CACNA2D1: variants seen among roughly 807,000 people sequenced by gnomAD.
CACNA2D1 encodes calcium voltage-gated channel auxiliary subunit alpha2delta 1.
In CACNA2D1, 53 loss-of-function variants were observed where a neutral mutation model predicts 171.5. The observed-to-expected ratio is 0.31, with a 90% CI of 0.25 to 0.39. The LOEUF is 0.39. Among genes scored for constraint, CACNA2D1 ranks in the 10% least tolerant of loss-of-function variants. The pLI is 1.00. For synonymous variants in CACNA2D1, 442 were observed against 443.1 expected, an observed-to-expected ratio of 1.00 and a Z score of 0.03; for missense variants, 903 against 1,299.8, an observed-to-expected ratio of 0.69 and a Z score of 4.69.
At chr7:82,212,313 G>GA in intron 3 of CACNA2D1, among the ~76,000 whole-genome samples, 1 of 152,250 alleles carries the variant, frequency 6.6e-6, no homozygotes, top group African/African-American at 2.4e-5. Flanking sequence ...TAGGTTAAGT[G>GA]TATTCCATGC....
intron 1 of CACNA2D1, among the ~76,000 whole-genome samples, chr7:82,413,349 A>T (rs529706871): frequency 7.9e-5 from 12 of 152,320 alleles, no homozygotes; most frequent in Admixed American, 7.8e-4. Flanking sequence ...TCTGCCAAAG[A>T]ATTGTTGTGT....
At chr7:82,433,951 A>T (rs936098758) in intron 1 of CACNA2D1, among the ~76,000 whole-genome samples, 2 of 152,240 alleles carry the variant, frequency 1.3e-5, no homozygotes, top group African/African-American at 4.8e-5. Flanking sequence ...TCTGGCCCAC[A>T]TTCAGACTGT....
chr7:82,156,376 C>A (rs534050424), intron 4 of CACNA2D1, among the ~76,000 whole-genome samples: 1 of 152,098 alleles, frequency 6.6e-6, no homozygotes, highest in Non-Finnish European at 1.5e-5. Flanking sequence ...GCCACAAATA[C>A]GGCTCCAAGG....
At chr7:82,025,045 C>T (rs943370287) in intron 12 of CACNA2D1, among the ~76,000 whole-genome samples, 8 of 151,668 alleles carry the variant, frequency 5.3e-5, no homozygotes, top group South Asian at 4.1e-4. Flanking sequence ...TTACCAGAAG[C>T]TTTGTAATAC....
At chr7:82,225,354 G>C (rs749174206) in intron 3 of CACNA2D1, among the ~76,000 whole-genome samples, 9 of 152,114 alleles carry the variant, frequency 5.9e-5, no homozygotes, top group Non-Finnish European at 4.4e-5. Flanking sequence ...ATCTCACCAC[G>C]TAGATTATCC....
chr7:82,302,373 T>C (rs1813122505), intron 3 of CACNA2D1, among the ~76,000 whole-genome samples: 1 of 151,998 alleles, frequency 6.6e-6, no homozygotes, highest in Non-Finnish European at 1.5e-5. Context: ...ATAAAACGCC[T>C]TGAAATACAC....
At chr7:82,043,440 T>C (rs1309727345) in intron 10 of CACNA2D1, among the ~76,000 whole-genome samples, 1 of 152,206 alleles carries the variant, frequency 6.6e-6, no homozygotes, top group Non-Finnish European at 1.5e-5. Context: ...CTCAGCTGTA[T>C]TGAGCTTGAA....
chr7:82,062,831 C>T (rs1584600917), intron 9 of CACNA2D1, among the ~76,000 whole-genome samples: 2 of 146,150 alleles, frequency 1.4e-5, no homozygotes, highest in East Asian at 2.1e-4. Flanking sequence ...GCCCCCATCT[C>T]CTGGCCTCAG....
At chr7:82,006,787 T>C (rs1187953223) in intron 16 of CACNA2D1, among the ~76,000 whole-genome samples, 1 of 152,094 alleles carries the variant, frequency 6.6e-6, no homozygotes, top group African/African-American at 2.4e-5. Flanking sequence ...AGAATGGTAA[T>C]AGGCCCCCAA....
intron 1 of CACNA2D1, among the ~76,000 whole-genome samples, chr7:82,431,428 C>G (rs565808813): frequency 1.6e-4 from 24 of 152,144 alleles, no homozygotes; most frequent in Non-Finnish European, 2.6e-4. Flanking sequence ...AGCAAAAATA[C>G]TATCTTTGTT....
intron 36 of CACNA2D1, among the ~76,000 whole-genome samples, chr7:81,961,076 T>G (rs1457784259): frequency 6.6e-6 from 1 of 151,804 alleles, no homozygotes; most frequent in Non-Finnish European, 1.5e-5. Context: ...AATCTCAGAT[T>G]ACCTCACCTC....
intron 15 of CACNA2D1, 120 bp from the exon 16 acceptor site, chr7:82,007,876 A>C: frequency 1.5e-6 from 1 of 668,790 alleles, no homozygotes; most frequent in Middle Eastern, 2.9e-4. Context: ...AGCCACAAAA[A>C]CTAGTAACTC....
At chr7:82,144,990 C>T (rs576178507) in intron 4 of CACNA2D1, among the ~76,000 whole-genome samples, 28 of 151,824 alleles carry the variant, frequency 1.8e-4, no homozygotes, top group African/African-American at 6.3e-4. Flanking sequence ...GCTTTGTACA[C>T]ATGCTCAGCC....
Position 82,275,645 on chromosome 7 carries a change from T to C in CACNA2D1, c.294+59490A>G, listed in dbSNP as rs201274564. ...ATTTCCACTGAAAACCTGTAATTAC[T>C]TTCCACAAGCAACACTTCATCCTGC... is the stretch of plus-strand genomic sequence containing the variant. On this transcript the variant is annotated intron_variant, in intron 3 of 38. Transcript: ENST00000356860. Among the ~76,000 whole-genome samples the C allele has an allele frequency of 1.1e-3, 160 of 152,174 alleles. 3 individuals carry two copies. In the East Asian group the frequency reaches 0.011, roughly 11 times the overall value.
At chr7:82,244,667 A>G (rs796746791) in intron 3 of CACNA2D1, among the ~76,000 whole-genome samples, 4 of 152,296 alleles carry the variant, frequency 2.6e-5, no homozygotes, top group African/African-American at 9.6e-5. Context: ...AAAGCACAGA[A>G]TGGTTATGAT....
intron 36 of CACNA2D1, among the ~76,000 whole-genome samples, chr7:81,961,537 CTT>C (rs1299103158): frequency 2.7e-5 from 4 of 150,716 alleles, no homozygotes; most frequent in African/African-American, 7.3e-5. Context: ...TATTTAATAA[CTT>C]TATATTAGAA....
At chr7:82,320,425 T>A (rs1012990102) in intron 3 of CACNA2D1, among the ~76,000 whole-genome samples, 2 of 152,136 alleles carry the variant, frequency 1.3e-5, no homozygotes. Context: ...TCTGTGGTTT[T>A]GAGGGAGACA....
chr7:82,264,412 G>A (rs913134295), intron 3 of CACNA2D1, among the ~76,000 whole-genome samples: 52 of 136,236 alleles, frequency 3.8e-4, no homozygotes, highest in African/African-American at 1.3e-3. Context: ...AATGTAAATG[G>A]TCACAATGTT....
intron 14 of CACNA2D1, 142 bp from the exon 15 acceptor site, chr7:82,012,385 T>A: frequency 1.5e-6 from 1 of 646,402 alleles, no homozygotes; most frequent in East Asian, 2.8e-5. Context: ...ATCAGTTAAT[T>A]TCTATTTTGG....
Sources: gnomAD v4.1 joint callset for allele counts (sites outside exome capture counted in the v4.1 genomes callset) on GRCh38, gnomAD v4.1.1 for gene constraint, MANE v1.5 for transcripts, NCBI Gene and HGNC (gene_info 2026-07-23, HGNC 2026-07-21) for gene names.